The following MRPL48 variants were observed in gnomAD, a reference collection of about 807,000 sequenced individuals.
The protein encoded by MRPL48 is large ribosomal subunit protein mL48.
Under a neutral mutation model 32.9 loss-of-function variants are expected in MRPL48, and 16 were observed. That is an observed-to-expected ratio of 0.49 (90% CI 0.33 to 0.74). MRPL48 has a LOEUF of 0.74. Among genes scored for constraint, MRPL48 ranks in the 30% least tolerant of loss-of-function variants. The pLI is 0.02. For missense variants in MRPL48, 206 were observed against 245.3 expected, an observed-to-expected ratio of 0.84 and a Z score of 1.07; for synonymous variants, 94 against 89.2, an observed-to-expected ratio of 1.05 and a Z score of -0.31.
At position 73,800,735 on chromosome 11, in the gene MRPL48, T is replaced by G. The variant is rs111278350; in HGVS notation, c.22-4292T>G. ...CATTGCAGGGGAGAGGAAGCACATT[T>G]CCCAGAGCTGACCGGGAGAGTTCAT... On this transcript the variant is annotated intron_variant, in intron 1 of 7. Coordinates refer to ENST00000310614, the MANE Select transcript of MRPL48 (RefSeq NM_016055.6). Among the ~76,000 whole-genome samples the G allele has an allele frequency of 7.3e-3, 1,110 of 152,132 alleles. 15 individuals carry two copies. Among genetic ancestry groups the G allele is most frequent in the African/African-American group, 0.025 (1,038 of 41,524 alleles).
intron 6 of MRPL48, among the ~76,000 whole-genome samples, chr11:73,861,076 C>G (rs905855661): frequency 3.3e-5 from 5 of 152,098 alleles, no homozygotes; most frequent in Non-Finnish European, 5.9e-5. Context: ...ATAGGCATCA[C>G]CCTTTTTTGA....
intron 1 of MRPL48, among the ~76,000 whole-genome samples, chr11:73,793,940 A>G (rs1195772181): frequency 6.7e-6 from 1 of 149,536 alleles, no homozygotes; most frequent in African/African-American, 2.5e-5. Context: ...TCCTGGGCTC[A>G]AGCTATCCTC....
At chr11:73,825,668 A>G (rs1438960520) in intron 3 of MRPL48, 40 bp from the exon 4 acceptor site, 1 of 1,518,180 alleles carries the variant, frequency 6.6e-7, no homozygotes, top group Non-Finnish European at 8.9e-7. Context: ...GATAATAGCA[A>G]CAACAAAAAA....
chr11:73,790,478 G>A (rs1228276431), intron 1 of MRPL48, among the ~76,000 whole-genome samples: 15 of 135,644 alleles, frequency 1.1e-4, no homozygotes, highest in African/African-American at 2.6e-4. Flanking sequence ...TCCGCCTCCC[G>A]GGTTCACGCC....
chr11:73,808,455 G>A, intron 3 of MRPL48, 105 bp downstream of exon 3: 1 of 1,188,320 alleles, frequency 8.4e-7, no homozygotes, highest in South Asian at 1.4e-5. Flanking sequence ...GAGAACAGTG[G>A]CCTGAACCAA....
chr11:73,815,647 C>A (rs990592318), intron 3 of MRPL48, among the ~76,000 whole-genome samples: 1 of 152,198 alleles, frequency 6.6e-6, no homozygotes, highest in Non-Finnish European at 1.5e-5. Context: ...AGCCACAATA[C>A]CCAGCCTAAG....
At chr11:73,857,005 C>T (rs953816306) in intron 5 of MRPL48, among the ~76,000 whole-genome samples, 1 of 152,192 alleles carries the variant, frequency 6.6e-6, no homozygotes. Context: ...CCTGAGCCCC[C>T]CTTTCCGCCC....
intron 6 of MRPL48, among the ~76,000 whole-genome samples, chr11:73,862,189 G>A (rs533956274): frequency 2.0e-5 from 3 of 152,270 alleles, no homozygotes; most frequent in South Asian, 2.1e-4. Flanking sequence ...TTGGGAGGCC[G>A]AGGTGGGCGG....
chr11:73,832,236 T>C (rs1481651687), intron 4 of MRPL48: 1 of 152,232 alleles, frequency 6.6e-6, no homozygotes, highest in Non-Finnish European at 1.5e-5. Context: ...CTTTGCAGAA[T>C]GGCCCCTAGG....
At chr11:73,804,338 G>A (rs574160270) in intron 1 of MRPL48, among the ~76,000 whole-genome samples, 62 of 151,484 alleles carry the variant, frequency 4.1e-4, no homozygotes, top group Non-Finnish European at 7.2e-4. Context: ...GTGCAGTGGC[G>A]CAATCTCTGC....
At chr11:73,791,025 A>G (rs922353538) in intron 1 of MRPL48, among the ~76,000 whole-genome samples, 2 of 151,086 alleles carry the variant, frequency 1.3e-5, no homozygotes, top group Admixed American at 6.6e-5. Context: ...TGCTGGGACT[A>G]CAGGCACCTG....
chr11:73,828,284 G>A (rs1947936199), intron 4 of MRPL48, among the ~76,000 whole-genome samples: 1 of 150,920 alleles, frequency 6.6e-6, no homozygotes, highest in African/African-American at 2.4e-5. Flanking sequence ...GAGTGCAGTG[G>A]TGCGATCTCG....
In MRPL48 at chr11:73,844,932, T is replaced by C. The variant is rs758106325; in HGVS notation, c.327T>C (p.Tyr109=). Reference sequence around the variant, plus strand: ...CCCTGGCAGAGAGTTATGCCCAGTATGTTCACAACCTCTGCAACTCTCTCT... The same window carrying C: ...CCCTGGCAGAGAGTTATGCCCAGTACGTTCACAACCTCTGCAACTCTCTCT... ...DMTLAESYAQ[Y]VHNLCNSLSI... is the part of the protein sequence containing the mutation. The change falls in exon 5 of 8, where the codon TAT becomes TAC. Residue 109 remains tyrosine, a synonymous_variant. Transcript: ENST00000310614. 7 of 1,613,462 alleles carry C rather than the reference T, an allele frequency of 4.3e-6. No homozygotes were observed. In the African/African-American group the frequency reaches 9.3e-5, roughly 22 times the overall value.
chr11:73,819,254 C>T (rs1947731155), intron 3 of MRPL48, among the ~76,000 whole-genome samples: 1 of 152,242 alleles, frequency 6.6e-6, no homozygotes, highest in African/African-American at 2.4e-5. Flanking sequence ...TTGCTCCAAA[C>T]TGAATTTTAA....
chr11:73,828,287 C>T (rs555802633), intron 4 of MRPL48, among the ~76,000 whole-genome samples: 137 of 148,710 alleles, frequency 9.2e-4, no homozygotes, highest in African/African-American at 3.3e-3. Flanking sequence ...TGCAGTGGTG[C>T]GATCTCGGCT....
At position 73,795,810 on chromosome 11, in the gene MRPL48, C is replaced by T. The variant is rs537982527; in HGVS notation, c.21+7818C>T. Among the ~76,000 whole-genome samples the T allele has an allele frequency of 4.3e-3, 657 of 152,172 alleles. 3 individuals are homozygous for T. Among genetic ancestry groups the T allele is most frequent in the Non-Finnish European group, 7.2e-3 (491 of 68,004 alleles). ...CTTGAGCCACTGCACCCGGCTTATT[C>T]ACTTTTAAAGTAGATAATTTAATGG... On this transcript the variant is annotated intron_variant, in intron 1 of 7. Coordinates refer to ENST00000310614, the MANE Select transcript of MRPL48 (RefSeq NM_016055.6).
intron 4 of MRPL48, among the ~76,000 whole-genome samples, chr11:73,831,757 A>G (rs536992639): frequency 6.6e-6 from 1 of 151,930 alleles, no homozygotes; most frequent in Non-Finnish European, 1.5e-5. Context: ...CCTGACCACC[A>G]TGGTGAAACT....
chr11:73,859,059 A>G (rs1948536698), intron 5 of MRPL48, among the ~76,000 whole-genome samples: 1 of 152,122 alleles, frequency 6.6e-6, no homozygotes, highest in African/African-American at 2.4e-5. Context: ...GGGGTATACT[A>G]CAGATACCCA....
At chr11:73,840,383 G>A (rs10898946) in intron 4 of MRPL48, among the ~76,000 whole-genome samples, 78,295 of 152,010 alleles carry the variant, frequency 0.52, 21,466 homozygotes, top group African/African-American at 0.72. Flanking sequence ...AATCCTAGCT[G>A]CTCAGGAGGT....
Sources: gnomAD v4.1 joint callset for allele counts (sites outside exome capture counted in the v4.1 genomes callset) on GRCh38, gnomAD v4.1.1 for gene constraint, MANE v1.5 for transcripts, NCBI Gene and HGNC (gene_info 2026-07-23, HGNC 2026-07-21) for gene names.